NECTIN2: variants seen among roughly 807,000 people sequenced by gnomAD.
NECTIN2 encodes nectin-2.
NECTIN2 carries 23 observed loss-of-function variants against 56.9 expected under a neutral mutation model. The observed-to-expected ratio is 0.40, with a 90% confidence interval of 0.29 to 0.57. The LOEUF is 0.57. NECTIN2 is among the 20% of genes least tolerant of loss of function. The pLI is 0.38. For missense variants in NECTIN2, 587 were observed against 718.3 expected, an observed-to-expected ratio of 0.82 and a Z score of 2.09; for synonymous variants, 302 against 313.8, an observed-to-expected ratio of 0.96 and a Z score of 0.40.
rs1969381827 is a variant in NECTIN2 at position 44,888,170 on chromosome 19, G to A, written c.1408G>A (p.Gly470Arg). Residue 470 changes from glycine to arginine, a missense_variant, in exon 9 of 9, where the codon GGA becomes AGA. Transcript: ENST00000252483. The part of the protein sequence containing the change: ...LEERSGPLHP[G>R]ATSLGSPIPV... Reference sequence around the variant, plus strand: ...AGAACGGTCAGGACCCTTGCACCCTGGAGCCACAAGCCTGGGGTCCCCCAT... The same window carrying A: ...AGAACGGTCAGGACCCTTGCACCCTAGAGCCACAAGCCTGGGGTCCCCCAT... 6.2e-7 allele frequency: 1 copy of A among 1,614,180 alleles called. No homozygotes were observed. The highest frequency in any genetic ancestry group is 1.6e-4 in the Middle Eastern group (1 of 6,062).
chr19:44,847,053 G>A (rs1458262521), intron 1 of NECTIN2, among the ~76,000 whole-genome samples: 3 of 152,124 alleles, frequency 2.0e-5, no homozygotes, highest in African/African-American at 7.2e-5. Context: ...TCTCGAGGAA[G>A]AGGCGAGACC....
At chr19:44,858,900 C>A (rs1969000857) in intron 1 of NECTIN2, among the ~76,000 whole-genome samples, 1 of 152,232 alleles carries the variant, frequency 6.6e-6, no homozygotes, top group Non-Finnish European at 1.5e-5. Flanking sequence ...GCCTCGGCCT[C>A]CCAAAGTGCT....
rs377411962 is a variant in NECTIN2, at chr19:44,888,390, G to A, written c.*11G>A. 2.8e-5 allele frequency: 45 copies of A among 1,604,830 alleles called. No homozygotes were observed. In the Admixed American group the frequency reaches 5.9e-4, roughly 21 times the overall value. ...GCCATGTATGTGTGAGCTGCCATGC[G>A]CCTGGCGTCTCACATCTCACCTGTT... On this transcript the variant is annotated 3_prime_UTR_variant, in exon 9 of 9. Transcript: ENST00000252483.
Position 44,874,760 on chromosome 19 carries a change from G to C in NECTIN2, c.1042+282G>C. ...GGCCTGGGTAGGGTCCTCACGAATA[G>C]ACCCGAGGAAGCTGCCCTGGGCTCC... On this transcript the variant is annotated intron_variant, in intron 5 of 8. Transcript: ENST00000252483. The surrounding 1 kb of genome is among the most constrained non-coding windows in gnomAD (Gnocchi z 6.3). The C allele has an allele frequency of 2.6e-6, 1 of 381,760 alleles. No homozygotes were observed. Among genetic ancestry groups the C allele is most frequent in the Non-Finnish European group, 4.9e-6 (1 of 202,282 alleles). The allele number at this position is 381,760 out of a possible 1,614,324, so 23.6% of individuals were successfully genotyped here.
intron 5 of NECTIN2, among the ~76,000 whole-genome samples, chr19:44,878,016 G>A (rs1007072874): frequency 9.9e-5 from 15 of 151,982 alleles, no homozygotes; most frequent in Non-Finnish European, 1.5e-4. Context: ...AGGCTGTAGC[G>A]AAGGGCGGAG....
At chr19:44,862,732 A>C (rs1009978094) in intron 1 of NECTIN2, among the ~76,000 whole-genome samples, 8 of 152,126 alleles carry the variant, frequency 5.3e-5, no homozygotes, top group African/African-American at 1.9e-4. Flanking sequence ...TAACTGTTGG[A>C]GGCTGGGCAC....
In NECTIN2 at chr19:44,888,461, G is replaced by A. The variant is rs1969385882; in HGVS notation, c.*82G>A. 1 of 1,452,712 alleles carries A rather than the reference G, an allele frequency of 6.9e-7. No individual in the cohort carries two copies. Among genetic ancestry groups the A allele is most frequent in the Non-Finnish European group, 9.4e-7 (1 of 1,069,082 alleles). 90.0% of individuals were successfully genotyped at this position (1,452,712 alleles called of 1,614,324 possible). On this transcript the variant is annotated 3_prime_UTR_variant, in exon 9 of 9. Transcript: ENST00000252483. ...AAGGATCTAGTGCCCCCTGACCTCT[G>A]GCCAGGCCACTGTCAGTTAACACAT...
chr19:44,880,991 C>G (rs1365556670), intron 5 of NECTIN2, among the ~76,000 whole-genome samples: 3 of 151,978 alleles, frequency 2.0e-5, no homozygotes, highest in Admixed American at 1.3e-4. Context: ...TCAGGCTGGT[C>G]TCAAACTCCC....
rs758051960 is a variant in NECTIN2 at position 44,865,431 on chromosome 19, C to T, written c.249C>T (p.Ala83=). Residue 83 remains alanine (A), a synonymous_variant, in exon 2 of 9, where the codon GCC becomes GCT. Transcript: ENST00000252483. The surrounding 1 kb of genome is among the most constrained non-coding windows in gnomAD (Gnocchi z 5.2). ...CACCTGCGAACCACCAGAATGTGGC[C>T]GCCTTCCACCCTAAGATGGGTCCCA... ...PDAPANHQNV[A]AFHPKMGPSF... The T allele has an allele frequency of 1.1e-5, 18 of 1,614,178 alleles. No homozygotes were observed. Among genetic ancestry groups the T allele is most frequent in the East Asian group, 2.2e-5 (1 of 44,872 alleles).
intron 8 of NECTIN2, 88 bp from the exon 9 acceptor site, chr19:44,888,022 G>C (rs1052425804): frequency 7.1e-7 from 1 of 1,408,452 alleles, no homozygotes; most frequent in Non-Finnish European, 9.8e-7. Context: ...GGGAGAGAGC[G>C]GTCAGGATTT....
chr19:44,883,268 C>T (rs1969327575), intron 6 of NECTIN2, among the ~76,000 whole-genome samples: 2 of 152,050 alleles, frequency 1.3e-5, no homozygotes, highest in Non-Finnish European at 2.9e-5. Flanking sequence ...AATCCCAGCA[C>T]TTTGTTTTGT....
chr19:44,849,780 G>T (rs1286307860), intron 1 of NECTIN2, among the ~76,000 whole-genome samples: 2 of 152,196 alleles, frequency 1.3e-5, no homozygotes, highest in Non-Finnish European at 2.9e-5. Flanking sequence ...GACGGAGAAA[G>T]AGACCGGAGA....
chr19:44,874,024 A>C lies in NECTIN2; in HGVS notation c.884A>C (p.Asp295Ala). The change falls in exon 4 of 9, where the codon GAC becomes GCC. Residue 295 changes from aspartate (D) to alanine (A), a missense_variant. Physicochemically the swap from Asp to Ala is moderately radical, Grantham distance 126 (BLOSUM62 -2). Coordinates refer to ENST00000252483, the MANE Select transcript of NECTIN2 (RefSeq NM_001042724.2). This position sits in a 1 kb window ranked among gnomAD's most constrained non-coding sequence, Gnocchi z 6.3. ...VRSNPEPTGY[D>A]WSTTSGTFPT... ...AGCAACCCAGAGCCCACGGGCTATG[A>C]CTGGAGCACGTGAGTCACGTGGTCT... 6.2e-7 allele frequency: 1 copy of C among 1,612,572 alleles called. No homozygotes were observed. The highest frequency in any genetic ancestry group is 8.5e-7 in the Non-Finnish European group (1 of 1,179,000).
intron 2 of NECTIN2, among the ~76,000 whole-genome samples, chr19:44,870,404 C>T (rs144619403): frequency 5.9e-5 from 9 of 151,998 alleles, no homozygotes; most frequent in Admixed American, 5.9e-4. Flanking sequence ...AGAGTCAGAC[C>T]GTGTTGAGAA....
intron 1 of NECTIN2, among the ~76,000 whole-genome samples, chr19:44,852,650 A>G (rs1477405996): frequency 2.0e-5 from 3 of 152,074 alleles, no homozygotes; most frequent in Non-Finnish European, 4.4e-5. Context: ...CACAAGGACA[A>G]CTGCAGTCCT....
intron 5 of NECTIN2, chr19:44,878,497 G>A: frequency 1.2e-6 from 2 of 1,612,254 alleles, no homozygotes; most frequent in Non-Finnish European, 1.7e-6. Context: ...AGGATGAGGA[G>A]GAGGAGGAGG....
chr19:44,871,822 A>ACCGGCTGAGTGTTGAATGACTGCCG (rs1164057946), intron 2 of NECTIN2, 31 bp from the exon 3 acceptor site: 2 of 1,599,858 alleles, frequency 1.3e-6, no homozygotes, highest in South Asian at 1.1e-5. Context: ...GCCGGTGAGG[A>ACCGGCTGAGTGTTGAATGACTGCCG]GTGACGCACC....
At chr19:44,854,847 C>G (rs957004312) in intron 1 of NECTIN2, among the ~76,000 whole-genome samples, 3 of 151,622 alleles carry the variant, frequency 2.0e-5, no homozygotes, top group African/African-American at 2.4e-5. Context: ...TCTGAGTTGC[C>G]GGGCGCGGTG....
At chr19:44,881,065 C>T (rs1394715651) in intron 5 of NECTIN2, among the ~76,000 whole-genome samples, 6 of 130,334 alleles carry the variant, frequency 4.6e-5, no homozygotes, top group Admixed American at 8.8e-5. Context: ...TGAGCCAACG[C>T]GCCCGGCTAG....
Sources: gnomAD v4.1 joint callset for allele counts (sites outside exome capture counted in the v4.1 genomes callset) on GRCh38, gnomAD v4.1.1 for gene constraint, Gnocchi (gnomAD v3.1) non-coding constraint, MANE v1.5 for transcripts, NCBI Gene and HGNC (gene_info 2026-07-23, HGNC 2026-07-21) for gene names.